VWC2L: variants seen among roughly 807,000 people sequenced by gnomAD.
The protein encoded by VWC2L is von Willebrand factor C domain-containing protein 2-like.
A neutral mutation model predicts 21.6 loss-of-function variants in VWC2L; 10 were observed. The ratio of observed to expected loss-of-function variants is 0.46; its 90% CI spans 0.29 to 0.78. The LOEUF (loss-of-function observed/expected upper bound fraction) is 0.78. VWC2L is among the 30% of genes least tolerant of loss of function. The probability of loss-of-function intolerance (pLI) is 0.10; values close to 1 mark genes in which losing one functional copy is unlikely to be tolerated. For synonymous variants in VWC2L, 96 were observed against 94.3 expected, an observed-to-expected ratio of 1.02 and a Z score of -0.10; for missense variants, 209 against 277.1, an observed-to-expected ratio of 0.75 and a Z score of 1.74.
intron 3 of VWC2L, among the ~76,000 whole-genome samples, chr2:214,437,511 G>A (rs1380457883): frequency 6.6e-6 from 1 of 152,050 alleles, no homozygotes; most frequent in Non-Finnish European, 1.5e-5. Flanking sequence ...TTATGACCAT[G>A]TACTACCAAA....
At chr2:214,459,455 T>C (rs1703107180) in intron 3 of VWC2L, among the ~76,000 whole-genome samples, 2 of 152,268 alleles carry the variant, frequency 1.3e-5, no homozygotes, top group African/African-American at 4.8e-5. Flanking sequence ...GTATGTCCTT[T>C]GTTCCTTTCT....
chr2:214,416,235 T>C (rs1377713828), intron 2 of VWC2L, among the ~76,000 whole-genome samples: 5 of 152,106 alleles, frequency 3.3e-5, no homozygotes, highest in African/African-American at 1.2e-4. Context: ...GAAAATGCTA[T>C]AGTTTTCCCT....
chr2:214,456,200 TGTTA>T (rs988904758), intron 3 of VWC2L, among the ~76,000 whole-genome samples: 3 of 148,236 alleles, frequency 2.0e-5, no homozygotes, highest in Non-Finnish European at 4.6e-5. Flanking sequence ...CACCAGCATC[TGTTA>T]TTTTTTTGTC....
chr2:214,545,655 T>C (rs1215051294), intron 3 of VWC2L, among the ~76,000 whole-genome samples: 1 of 152,224 alleles, frequency 6.6e-6, no homozygotes, highest in African/African-American at 2.4e-5. Flanking sequence ...AATTTATCTC[T>C]GTGGCCATTT....
chr2:214,434,052 T>C (rs896816770), intron 2 of VWC2L, among the ~76,000 whole-genome samples: 2 of 152,202 alleles, frequency 1.3e-5, no homozygotes, highest in African/African-American at 4.8e-5. Flanking sequence ...AGGGATGGCG[T>C]ACAGTACATA....
At chr2:214,442,656 A>C (rs115421181) in intron 3 of VWC2L, among the ~76,000 whole-genome samples, 1,845 of 152,044 alleles carry the variant, frequency 0.012, 14 homozygotes, top group Non-Finnish European at 0.018. Context: ...TATATTTATA[A>C]TTTAAAATAT....
chr2:214,436,750 G>A lies in VWC2L; in HGVS notation c.512G>A (p.Cys171Tyr). 1.2e-6 allele frequency: 2 copies of A among 1,613,004 alleles called. No individual in the cohort carries two copies. Among genetic ancestry groups the A allele is most frequent in the Non-Finnish European group, 1.7e-6 (2 of 1,179,258 alleles). ...VYEPEQCCPV[C>Y]KNGPNCFAGT... ...GAACCAGAACAATGTTGTCCTGTCT[G>A]CAAAAATGGTAAGACCACACTGCAT... Residue 171 changes from cysteine to tyrosine, a missense_variant, in exon 3 of 4, where the codon TGC becomes TAC. Physicochemically the swap from Cys to Tyr is radical, Grantham distance 194. Transcript: ENST00000312504.
chr2:214,540,535 A>G (rs960780894), intron 3 of VWC2L, among the ~76,000 whole-genome samples: 1 of 152,180 alleles, frequency 6.6e-6, no homozygotes. Flanking sequence ...CAAGGAGTTG[A>G]TATCTTTAAC....
intron 3 of VWC2L, among the ~76,000 whole-genome samples, chr2:214,516,728 T>C (rs1689150061): frequency 6.6e-6 from 1 of 152,090 alleles, no homozygotes. Flanking sequence ...GAGGGTCTTC[T>C]TTACCAACAA....
chr2:214,528,118 A>T (rs1029422318), intron 3 of VWC2L, among the ~76,000 whole-genome samples: 1 of 152,172 alleles, frequency 6.6e-6, no homozygotes, highest in Non-Finnish European at 1.5e-5. Context: ...TTGTAAATGG[A>T]ATATGTTTTC....
chr2:214,524,110 T>G (rs10205713), intron 3 of VWC2L, among the ~76,000 whole-genome samples: 5,833 of 152,214 alleles, frequency 0.038, 205 homozygotes, highest in African/African-American at 0.094. Context: ...CATAGTATAT[T>G]GTTATATACA....
intron 2 of VWC2L, among the ~76,000 whole-genome samples, chr2:214,419,598 C>T (rs1702404310): frequency 6.6e-6 from 1 of 152,132 alleles, no homozygotes; most frequent in Non-Finnish European, 1.5e-5. Flanking sequence ...AGCCAATTCC[C>T]AGTGTCCCTA....
At chr2:214,419,255 C>T (rs1702399000) in intron 2 of VWC2L, among the ~76,000 whole-genome samples, 1 of 152,074 alleles carries the variant, frequency 6.6e-6, no homozygotes, top group African/African-American at 2.4e-5. Context: ...CTTTTATGTG[C>T]ACCCCGGCAA....
chr2:214,490,265 C>T (rs1416704668), intron 3 of VWC2L, among the ~76,000 whole-genome samples: 1 of 152,102 alleles, frequency 6.6e-6, no homozygotes, highest in Non-Finnish European at 1.5e-5. Context: ...AAAACATGAC[C>T]TCTGATAACT....
intron 3 of VWC2L, among the ~76,000 whole-genome samples, chr2:214,566,964 C>T (rs1439405660): frequency 6.6e-6 from 1 of 152,132 alleles, no homozygotes; most frequent in Non-Finnish European, 1.5e-5. Flanking sequence ...AATTCAACCC[C>T]ACAGACTAAG....
chr2:214,421,486 G>A (rs1000523132), intron 2 of VWC2L, among the ~76,000 whole-genome samples: 1 of 152,154 alleles, frequency 6.6e-6, no homozygotes, highest in African/African-American at 2.4e-5. Context: ...ATTGGAAGAT[G>A]CTGCTGTTAA....
chr2:214,497,473 T>A (rs1404442169), intron 3 of VWC2L, among the ~76,000 whole-genome samples: 1 of 152,226 alleles, frequency 6.6e-6, no homozygotes, highest in African/African-American at 2.4e-5. Context: ...TCCTTCTTCA[T>A]ATATGGTGGG....
chr2:214,477,242 T>C (rs1193335360), intron 3 of VWC2L, among the ~76,000 whole-genome samples: 1 of 152,226 alleles, frequency 6.6e-6, no homozygotes, highest in African/African-American at 2.4e-5. Flanking sequence ...GAGTTCTTAC[T>C]ATCCTATAGC....
chr2:214,457,061 T>G (rs546993221), intron 3 of VWC2L, among the ~76,000 whole-genome samples: 1 of 152,206 alleles, frequency 6.6e-6, no homozygotes, highest in Admixed American at 6.5e-5. Context: ...ACTCCTTTTT[T>G]ATTCCATACA....
Sources: gnomAD v4.1 joint callset for allele counts (sites outside exome capture counted in the v4.1 genomes callset) on GRCh38, gnomAD v4.1.1 for gene constraint, MANE v1.5 for transcripts, NCBI Gene and HGNC (gene_info 2026-07-23, HGNC 2026-07-21) for gene names.